The following PLEKHG1 variants were observed in gnomAD, a reference collection of about 807,000 sequenced individuals.
The protein encoded by PLEKHG1 is pleckstrin homology and RhoGEF domain containing G1, also known as pleckstrin homology domain-containing family G member 1.
In PLEKHG1, 44 loss-of-function variants were observed where a neutral mutation model predicts 100.8. The observed-to-expected ratio is 0.44, with a 90% confidence interval of 0.34 to 0.56. The LOEUF (loss-of-function observed/expected upper bound fraction) is 0.56. Among genes scored for constraint, PLEKHG1 ranks in the 20% least tolerant of loss-of-function variants. The pLI, the probability that PLEKHG1 is intolerant of heterozygous loss-of-function variation, is 0.01. For missense variants in PLEKHG1, 1,545 were observed against 1,720.9 expected (o/e 0.90, Z 1.81); for synonymous variants, 640 against 662.5 (o/e 0.97, Z 0.52).
rs776992656 is a variant in PLEKHG1 at position 150,809,638 on chromosome 6, G to A, written c.1192-10G>A. The A allele has an allele frequency of 1.7e-5, 28 of 1,612,396 alleles. No individual in the cohort carries two copies. Among genetic ancestry groups the A allele is most frequent in the Middle Eastern group, 3.3e-4 (2 of 6,058 alleles). On this transcript the variant is annotated splice_polypyrimidine_tract_variant and intron_variant, in intron 9 of 15. Transcript: ENST00000358517. ...CAAGTTGTCTGACTGTCTACATCTCGTCTTGGCAGGCCAAATCCCAGCAAG... is the reference window on the plus strand; with the variant it reads ...CAAGTTGTCTGACTGTCTACATCTCATCTTGGCAGGCCAAATCCCAGCAAG...
At position 150,703,740 on chromosome 6, in the gene PLEKHG1, A is replaced by T. The variant is rs570107464; in HGVS notation, c.-98-29844A>T. On this transcript the variant is annotated intron_variant, in intron 3 of 3. Coordinates refer to the PLEKHG1 transcript ENST00000367326. ...GAAGCATGGAACATTCTTGTGTCAC[A>T]GCAGTGTCTCTCTACCCTGGCAATA... is the stretch of plus-strand genomic sequence containing the variant. 9.8e-5 allele frequency among the ~76,000 whole-genome samples: 15 copies of T among 152,334 alleles called. No individual in the cohort carries two copies. In the South Asian group the frequency reaches 3.1e-3, roughly 32 times the overall value.
At chr6:150,830,192 A>G (rs1257320040) in intron 14 of PLEKHG1, among the ~76,000 whole-genome samples, 1 of 152,222 alleles carries the variant, frequency 6.6e-6, no homozygotes, top group African/African-American at 2.4e-5. Flanking sequence ...TGAAATTGGT[A>G]CGATCATACC....
intron 3 of PLEKHG1, among the ~76,000 whole-genome samples, chr6:150,779,344 GTT>G (rs71554482): frequency 1.1e-4 from 11 of 104,514 alleles, no homozygotes; most frequent in Non-Finnish European, 5.5e-5. Context: ...TTGTCAAGAA[GTT>G]TTTTTTTTTT....
intron 10 of PLEKHG1, among the ~76,000 whole-genome samples, chr6:150,815,030 G>T (rs78746892): frequency 0.028 from 4,255 of 152,096 alleles, 74 homozygotes; most frequent in Non-Finnish European, 0.04. Flanking sequence ...CCTCAAACAC[G>T]CTTGTCTAAT....
chr6:150,825,616 T>C (rs1776555691), intron 14 of PLEKHG1, among the ~76,000 whole-genome samples: 2 of 152,142 alleles, frequency 1.3e-5, no homozygotes, highest in African/African-American at 4.8e-5. Flanking sequence ...TATTCCTTAA[T>C]AATAGCTTAA....
intron 3 of PLEKHG1, among the ~76,000 whole-genome samples, chr6:150,707,546 G>A (rs954107436): frequency 1.3e-5 from 2 of 152,170 alleles, no homozygotes; most frequent in Non-Finnish European, 2.9e-5. Flanking sequence ...TGCACAGCCA[G>A]GGTGACGTGA....
intron 1 of PLEKHG1, among the ~76,000 whole-genome samples, chr6:150,618,687 T>C (rs1025705720): frequency 2.6e-5 from 4 of 152,214 alleles, no homozygotes; most frequent in Non-Finnish European, 4.4e-5. Flanking sequence ...TTTAAATGTA[T>C]ATTATTTACT....
chr6:150,734,038 G>A (rs1337362054), exon 2 of PLEKHG1: 1 of 1,614,018 alleles, frequency 6.2e-7, no homozygotes, highest in Non-Finnish European at 8.5e-7. Flanking sequence ...GAGTTGTTCA[G>A]GAAATTCTGG....
intron 3 of PLEKHG1, among the ~76,000 whole-genome samples, chr6:150,681,160 G>T (rs1158993795): frequency 6.6e-6 from 1 of 152,158 alleles, no homozygotes; most frequent in Non-Finnish European, 1.5e-5. Context: ...GCGAGTGGTC[G>T]GGTGAATTTT....
intron 4 of PLEKHG1, among the ~76,000 whole-genome samples, chr6:150,789,591 A>C (rs1002558501): frequency 1.3e-5 from 2 of 152,256 alleles, no homozygotes; most frequent in South Asian, 4.1e-4. Flanking sequence ...GGAGTAAGTC[A>C]CTATATTATG....
chr6:150,827,494 T>C (rs1438434582), intron 14 of PLEKHG1, among the ~76,000 whole-genome samples: 2 of 152,118 alleles, frequency 1.3e-5, no homozygotes, highest in African/African-American at 4.8e-5. Flanking sequence ...CAGGCTGGTC[T>C]CGAACTCCCG....
intron 2 of PLEKHG1, among the ~76,000 whole-genome samples, chr6:150,644,334 G>GGTTTTTTTTTTTTTTTTTTTTTTTT (rs1554255840): frequency 8.5e-6 from 1 of 117,622 alleles, no homozygotes; most frequent in Non-Finnish European, 1.7e-5. Context: ...TTCTTTTCGT[G>GGTTTTTTTTTTTTTTTTTTTTTTTT]TTTTTTTTTT....
At chr6:150,711,255 C>T (rs1297949143) in intron 3 of PLEKHG1, among the ~76,000 whole-genome samples, 1 of 152,100 alleles carries the variant, frequency 6.6e-6, no homozygotes, top group Non-Finnish European at 1.5e-5. Flanking sequence ...CTACCCTATG[C>T]GCCCCACAGC....
intron 2 of PLEKHG1, among the ~76,000 whole-genome samples, chr6:150,757,588 T>G (rs768928375): frequency 1.3e-5 from 2 of 152,208 alleles, no homozygotes; most frequent in African/African-American, 2.4e-5. Flanking sequence ...TGTATGTGTG[T>G]GTCAGAAGTT....
chr6:150,761,223 G>A lies in PLEKHG1; in HGVS notation c.412-7415G>A, dbSNP rs1412682487. The stretch of plus-strand genomic sequence containing the variant: ...TGGGTTCAAGCGATTCTCCTGCCTC[G>A]GCCTCCCAAGTAGCTGGGACTACAG... On this transcript the variant is annotated intron_variant, in intron 2 of 15. Coordinates refer to ENST00000358517, the Ensembl canonical transcript of PLEKHG1. Among the ~76,000 whole-genome samples, 12 of 140,076 alleles carry A rather than the reference G, an allele frequency of 8.6e-5. No homozygotes were observed. The East Asian group carries it at 1.9e-3, about 22-fold the overall frequency. The allele number at this position is 140,076 out of a possible 152,430, so 91.9% of individuals were successfully genotyped here.
Position 150,823,507 on chromosome 6 carries a change from T to C in PLEKHG1, c.1448-147T>C, listed in dbSNP as rs554067213. On this transcript the variant is annotated intron_variant, in intron 13 of 15. Transcript: ENST00000358517. ...GCAGCTGGGAGAGCTGACAGGGATT[T>C]TCTGAAAATTAGATCTATAGGGCCC... The C allele has an allele frequency of 1.3e-5, 8 of 595,152 alleles. No homozygotes were observed. In the East Asian group the frequency reaches 1.9e-4, roughly 14 times the overall value. 36.9% of individuals were successfully genotyped at this position (595,152 alleles called of 1,614,324 possible). A position where few individuals can be genotyped will look rare whatever the true frequency, so the allele number is the denominator to read the frequency against.
intron 2 of PLEKHG1, among the ~76,000 whole-genome samples, chr6:150,640,272 C>A (rs1369287657): frequency 6.6e-6 from 1 of 152,262 alleles, no homozygotes; most frequent in African/African-American, 2.4e-5. Flanking sequence ...ATTTTCCCAA[C>A]TCTTCCCAAA....
chr6:150,618,876 C>T (rs915623683), intron 1 of PLEKHG1, among the ~76,000 whole-genome samples: 3 of 152,044 alleles, frequency 2.0e-5, no homozygotes, highest in Non-Finnish European at 4.4e-5. Context: ...ACCAGGCATT[C>T]GAGACTAGCT....
intron 3 of PLEKHG1, among the ~76,000 whole-genome samples, chr6:150,657,319 C>T (rs1002235485): frequency 1.1e-4 from 16 of 152,288 alleles, no homozygotes; most frequent in Admixed American, 3.3e-4. Context: ...AGATACAAGG[C>T]TTCTGCCAAT....
Sources: gnomAD v4.1 joint callset for allele counts (sites outside exome capture counted in the v4.1 genomes callset) on GRCh38, gnomAD v4.1.1 for gene constraint, MANE v1.5 for transcripts, NCBI Gene and HGNC (gene_info 2026-07-23, HGNC 2026-07-21) for gene names.